The following MEIKIN variants were observed in gnomAD, a reference collection of about 807,000 sequenced individuals.
MEIKIN encodes meiotic kinetochore factor.
intron 7 of MEIKIN, among the ~76,000 whole-genome samples, chr5:131,915,706 G>A (rs1751405928): frequency 6.6e-6 from 1 of 152,130 alleles, no homozygotes; most frequent in African/African-American, 2.4e-5. Context: ...CTAACCAGAA[G>A]TAAATGGATG....
At chr5:131,813,656 T>C (rs1773044015) in intron 12 of MEIKIN, among the ~76,000 whole-genome samples, 1 of 151,978 alleles carries the variant, frequency 6.6e-6, no homozygotes, top group Non-Finnish European at 1.5e-5. Flanking sequence ...CTCGATCTCC[T>C]GATCTCATGA....
intron 9 of MEIKIN, among the ~76,000 whole-genome samples, chr5:131,859,578 C>G (rs573818007): frequency 6.6e-6 from 1 of 152,314 alleles, no homozygotes; most frequent in South Asian, 2.1e-4. Context: ...TTGCCTTCCA[C>G]CATGAGTAAA....
At chr5:131,841,016 T>C (rs1276079758) in intron 11 of MEIKIN, among the ~76,000 whole-genome samples, 1 of 151,988 alleles carries the variant, frequency 6.6e-6, no homozygotes, top group Non-Finnish European at 1.5e-5. Context: ...GTTCTTCAGA[T>C]TTTTTTTCTT....
At chr5:131,819,765 ATTTTTTTTTTTTTTTT>A (rs1167213249) in intron 11 of MEIKIN, among the ~76,000 whole-genome samples, 1 of 64,576 alleles carries the variant, frequency 1.5e-5, no homozygotes, top group Admixed American at 1.9e-4. Flanking sequence ...ACATCCAGCT[ATTTTTTTTTTTTTTTT>A]TTTTTTTTTT....
chr5:131,885,281 T>C (rs1228950632), intron 8 of MEIKIN, among the ~76,000 whole-genome samples: 1 of 150,094 alleles, frequency 6.7e-6, no homozygotes, highest in Admixed American at 6.7e-5. Context: ...GTATTGGGAA[T>C]TGGAGGCCAC....
At chr5:131,857,850 A>G (rs1435798048) in intron 9 of MEIKIN, among the ~76,000 whole-genome samples, 2 of 152,076 alleles carry the variant, frequency 1.3e-5, no homozygotes, top group African/African-American at 4.8e-5. Context: ...TGCTGGTGTG[A>G]GCACACCCTG....
chr5:131,912,371 GT>G, intron 7 of MEIKIN, among the ~76,000 whole-genome samples: 1 of 151,718 alleles, frequency 6.6e-6, no homozygotes, highest in East Asian at 1.9e-4. Context: ...GCAGTAAAAG[GT>G]TTTTTTGAAA....
At chr5:131,852,531 A>C (rs1317694825) in intron 10 of MEIKIN, among the ~76,000 whole-genome samples, 4 of 152,212 alleles carry the variant, frequency 2.6e-5, no homozygotes. Flanking sequence ...TGAATTTTTA[A>C]AACATTATGC....
At chr5:131,934,845 CAA>C (rs1302615295) in intron 4 of MEIKIN, among the ~76,000 whole-genome samples, 2 of 151,902 alleles carry the variant, frequency 1.3e-5, no homozygotes, top group Non-Finnish European at 2.9e-5. Context: ...ATCACGAGGT[CAA>C]GAGATAGAGA....
intron 9 of MEIKIN, among the ~76,000 whole-genome samples, chr5:131,867,914 ATGAG>A (rs1031123616): frequency 6.6e-6 from 1 of 152,218 alleles, no homozygotes; most frequent in Non-Finnish European, 1.5e-5. Flanking sequence ...TGGATCATAT[ATGAG>A]TATGTTTAGT....
intron 4 of MEIKIN, among the ~76,000 whole-genome samples, chr5:131,941,348 G>A (rs1041000598): frequency 6.6e-5 from 10 of 151,168 alleles, no homozygotes; most frequent in East Asian, 1.9e-4. Context: ...TAGTAGAGAC[G>A]GGGTTTCACC....
Position 131,907,002 on chromosome 5 carries a change from C to T in MEIKIN, c.703+4813G>A, listed in dbSNP as rs141171008. Among the ~76,000 whole-genome samples, 726 of 152,102 alleles carry T rather than the reference C, an allele frequency of 4.8e-3. 5 individuals carry two copies. The highest frequency in any genetic ancestry group is 0.017 in the African/African-American group (689 of 41,490). On this transcript the variant is annotated intron_variant, in intron 8 of 12. Coordinates refer to ENST00000442687, the MANE Select transcript of MEIKIN (RefSeq NM_001303622.2). ...ACATAACAAATTAGATATGTTTACA[C>T]CTGAATCTAAAATAAAAGATAAAAA... is the stretch of plus-strand genomic sequence containing the variant.
At chr5:131,892,005 G>C (rs1300726381) in intron 8 of MEIKIN, among the ~76,000 whole-genome samples, 2 of 152,094 alleles carry the variant, frequency 1.3e-5, no homozygotes, top group Non-Finnish European at 2.9e-5. Context: ...GAAATGCTGG[G>C]TTGAAAATTC....
chr5:131,885,341 AAGAGAGAGAGAG>A (rs57363906), intron 8 of MEIKIN, among the ~76,000 whole-genome samples: 9 of 61,978 alleles, frequency 1.5e-4, no homozygotes, highest in East Asian at 6.8e-4. Flanking sequence ...TCAGAACTGA[AAGAGAGAGAGAG>A]AGAGAGAGAG....
At chr5:131,907,597 G>A (rs186321619) in intron 8 of MEIKIN, among the ~76,000 whole-genome samples, 45 of 151,088 alleles carry the variant, frequency 3.0e-4, no homozygotes, top group Middle Eastern at 3.4e-3. Context: ...ACCTTGAGCC[G>A]GGCAGGTGGC....
At chr5:131,840,909 G>C (rs998266569) in intron 11 of MEIKIN, among the ~76,000 whole-genome samples, 1 of 152,176 alleles carries the variant, frequency 6.6e-6, no homozygotes, top group African/African-American at 2.4e-5. Context: ...ATCGTTTGGA[G>C]GAATAAAGGC....
intron 11 of MEIKIN, among the ~76,000 whole-genome samples, chr5:131,827,574 A>G (rs1418464639): frequency 6.6e-6 from 1 of 152,224 alleles, no homozygotes; most frequent in Non-Finnish European, 1.5e-5. Context: ...GGATAACTAT[A>G]TAGCAGACAA....
intron 5 of MEIKIN, among the ~76,000 whole-genome samples, chr5:131,925,202 G>C (rs1363008585): frequency 6.6e-6 from 1 of 152,100 alleles, no homozygotes; most frequent in African/African-American, 2.4e-5. Context: ...AATGTATTTT[G>C]AAATCAGGAA....
chr5:131,824,513 T>A (rs937089046), intron 11 of MEIKIN, among the ~76,000 whole-genome samples: 1 of 151,644 alleles, frequency 6.6e-6, no homozygotes, highest in African/African-American at 2.4e-5. Flanking sequence ...GAGAGAGACA[T>A]CCTGTCTTAA....
Sources: gnomAD v4.1 joint callset for allele counts (sites outside exome capture counted in the v4.1 genomes callset) on GRCh38, gnomAD v4.1.1 for gene constraint, MANE v1.5 for transcripts, NCBI Gene and HGNC (gene_info 2026-07-23, HGNC 2026-07-21) for gene names.